IRAK2: variants seen among roughly 807,000 people sequenced by gnomAD.
IRAK2 encodes the protein interleukin 1 receptor associated kinase 2.
IRAK2 carries 57 observed loss-of-function variants against 72.0 expected under a neutral mutation model. The ratio of observed to expected loss-of-function variants is 0.79; its 90% CI spans 0.64 to 0.99. IRAK2 has a LOEUF of 0.99. IRAK2 is among the 50% of genes least tolerant of loss of function. IRAK2 has a pLI of 0.00. For synonymous variants in IRAK2, 293 were observed against 312.7 expected (o/e 0.94, Z 0.67); for missense variants, 790 against 794.4 (o/e 0.99, Z 0.07).
chr3:10,213,188 C>T lies in IRAK2; in HGVS notation c.529-19C>T, dbSNP rs768882033. 1.9e-6 allele frequency: 3 copies of T among 1,607,804 alleles called. No homozygotes were observed. The highest frequency in any genetic ancestry group is 2.6e-6 in the Non-Finnish European group (3 of 1,174,780). ...CGAGATTCCATAGTAATCTCCATCT[C>T]TTCTCTCTGGGTCTCCAGGACTTCA... On this transcript the variant is annotated intron_variant, in intron 4 of 12. Transcript: ENST00000256458.
rs549889932 is a variant in IRAK2, at chr3:10,240,291, T to C, written c.1765+1252T>C. 8.6e-5 allele frequency among the ~76,000 whole-genome samples: 13 copies of C among 151,296 alleles called. No individual in the cohort carries two copies. The South Asian group carries it at 2.7e-3, about 32-fold the overall frequency. On this transcript the variant is annotated intron_variant, in intron 12 of 12. Coordinates refer to ENST00000256458, the MANE Select transcript of IRAK2 (RefSeq NM_001570.4). Reference sequence around the variant, plus strand: ...CCAATATGGTGAAACCCCATCTCTCTACTAAAAATACAAAAATTAGCTGGG... The same window carrying C: ...CCAATATGGTGAAACCCCATCTCTCCACTAAAAATACAAAAATTAGCTGGG...
intron 9 of IRAK2, among the ~76,000 whole-genome samples, chr3:10,225,137 G>A (rs557394349): frequency 6.6e-6 from 1 of 151,930 alleles, no homozygotes; most frequent in South Asian, 2.1e-4. Flanking sequence ...TTAATCCTGG[G>A]TGGTTTAAAA....
In IRAK2 at chr3:10,242,175, A is replaced by G. The variant is rs201886476; in HGVS notation, c.1825A>G (p.Ile609Val). The G allele has an allele frequency of 2.5e-6, 4 of 1,613,908 alleles. No homozygotes were observed. The highest frequency in any genetic ancestry group is 8.5e-7 in the Non-Finnish European group (1 of 1,179,858). ...GGCCAAAAGGAAACTGATGGAGAAT[A>G]TTCTGCTCTACAAAGAGGAAAAAGT... ...NEAKRKLMEN[I>V]LLYKEEKVDS... Residue 609 changes from isoleucine (I) to valine (V), a missense_variant, in exon 13 of 13, where the codon ATT becomes GTT. Physicochemically the swap from Ile to Val is conservative, Grantham distance 29. Coordinates refer to ENST00000256458, the MANE Select transcript of IRAK2 (RefSeq NM_001570.4).
intron 2 of IRAK2, among the ~76,000 whole-genome samples, chr3:10,183,443 C>T (rs116108356): frequency 0.021 from 3,210 of 152,274 alleles, 50 homozygotes; most frequent in Middle Eastern, 0.037. Flanking sequence ...ATGGGCCGGG[C>T]GCAGTGGCTC....
intron 1 of IRAK2, among the ~76,000 whole-genome samples, chr3:10,165,720 T>A (rs1302699533): frequency 2.2e-5 from 2 of 91,580 alleles, no homozygotes; most frequent in African/African-American, 4.3e-5. Flanking sequence ...GGTCTTGAAC[T>A]ATTTTTTTTT....
chr3:10,165,309 G>T (rs900438676), intron 1 of IRAK2, among the ~76,000 whole-genome samples: 23 of 152,154 alleles, frequency 1.5e-4, no homozygotes, highest in Non-Finnish European at 3.1e-4. Context: ...GGGTACGGGG[G>T]CCCTCCTGTC....
At chr3:10,228,140 A>G (rs1019077021) in intron 10 of IRAK2, among the ~76,000 whole-genome samples, 5 of 152,108 alleles carry the variant, frequency 3.3e-5, no homozygotes, top group African/African-American at 1.2e-4. Context: ...GCAGAGTTTC[A>G]AATCTCATCC....
At chr3:10,175,909 A>AAAAAG (rs1696866699) in intron 1 of IRAK2, among the ~76,000 whole-genome samples, 1 of 149,864 alleles carries the variant, frequency 6.7e-6, no homozygotes, top group African/African-American at 2.5e-5. Context: ...AAAAAAAAAA[A>AAAAAG]AAAAGAAAAG....
chr3:10,176,078 T>G (rs868508508), intron 1 of IRAK2, among the ~76,000 whole-genome samples: 1,729 of 148,840 alleles, frequency 0.012, 25 homozygotes, highest in African/African-American at 0.041. Flanking sequence ...TTTTTTTTTT[T>G]TTTTTTTTTT....
chr3:10,227,814 G>A (rs113260081), intron 10 of IRAK2, among the ~76,000 whole-genome samples: 4 of 151,770 alleles, frequency 2.6e-5, no homozygotes, highest in African/African-American at 4.8e-5. Context: ...GACTACAGGC[G>A]CCCACCACCA....
intron 12 of IRAK2, among the ~76,000 whole-genome samples, chr3:10,239,905 C>T (rs11465936): frequency 0.034 from 5,097 of 150,716 alleles, 273 homozygotes; most frequent in African/African-American, 0.12. Context: ...CCAGCACTTC[C>T]AGAGGCTGGG....
Position 10,242,097 on chromosome 3 carries a change from G to T in IRAK2, c.1766-19G>T. The stretch of plus-strand genomic sequence containing the variant: ...ACTTTCATTCAAGTCGCTCTTGTTT[G>T]CTTTCTGTTGAACATCAGTTACAGA... On this transcript the variant is annotated intron_variant, in intron 12 of 12. Coordinates refer to ENST00000256458, the MANE Select transcript of IRAK2 (RefSeq NM_001570.4). 5.0e-6 allele frequency: 7 copies of T among 1,399,720 alleles called. No homozygotes were observed. Among genetic ancestry groups the T allele is most frequent in the South Asian group, 1.2e-5 (1 of 85,034 alleles). The allele number at this position is 1,399,720 out of a possible 1,614,324, so 86.7% of individuals were successfully genotyped here.
chr3:10,167,562 C>A (rs1575947732), intron 1 of IRAK2, among the ~76,000 whole-genome samples: 1 of 152,146 alleles, frequency 6.6e-6, no homozygotes, highest in East Asian at 1.9e-4. Flanking sequence ...CTACAGGTGC[C>A]TGCCACCATG....
chr3:10,238,000 A>AT (rs1452318603), intron 11 of IRAK2, among the ~76,000 whole-genome samples: 1 of 144,508 alleles, frequency 6.9e-6, no homozygotes, highest in Non-Finnish European at 1.5e-5. Flanking sequence ...CTTCCGTCTA[A>AT]TTTTCCTAAC....
chr3:10,204,850 G>A (rs1413160946), intron 3 of IRAK2, among the ~76,000 whole-genome samples: 2 of 152,058 alleles, frequency 1.3e-5, no homozygotes, highest in African/African-American at 4.8e-5. Context: ...GCTAAGTCCT[G>A]GCACTTGATC....
rs1681662 is a variant in IRAK2, at chr3:10,177,096, C to T, written c.95-742C>T. ...GATTACAGGTGTGAGCCACCATGCC[C>T]GGCCTACTTTGTTTATTTTTTGTAG... On this transcript the variant is annotated intron_variant, in intron 1 of 12. Coordinates refer to ENST00000256458, the MANE Select transcript of IRAK2 (RefSeq NM_001570.4). 4.6e-5 allele frequency among the ~76,000 whole-genome samples: 7 copies of T among 151,494 alleles called. 1 individual carries two copies. In the South Asian group the frequency reaches 6.3e-4, roughly 14 times the overall value.
At chr3:10,209,942 CAG>C (rs1459891668) in intron 4 of IRAK2, among the ~76,000 whole-genome samples, 1 of 152,134 alleles carries the variant, frequency 6.6e-6, no homozygotes, top group East Asian at 1.9e-4. Context: ...ATTTTTGAGA[CAG>C]AGTCTCGCTC....
At position 10,200,516 on chromosome 3, in the gene IRAK2, G is replaced by A; in HGVS notation, c.424+1G>A. 6.5e-7 allele frequency: 1 copy of A among 1,548,088 alleles called. No individual in the cohort carries two copies. Among genetic ancestry groups the A allele is most frequent in the South Asian group, 1.2e-5 (1 of 83,838 alleles). On this transcript the variant is annotated splice_donor_variant, in intron 3 of 12. Coordinates refer to ENST00000256458, the MANE Select transcript of IRAK2 (RefSeq NM_001570.4). LOFTEE classifies it high-confidence loss of function. ...AGGATGGCCACCTTTCCAGGCCCAGGTATTTTAAATTTAACTTTTTTACTT... is the reference window on the plus strand; with the variant it reads ...AGGATGGCCACCTTTCCAGGCCCAGATATTTTAAATTTAACTTTTTTACTT...
At chr3:10,171,072 G>T (rs188587013) in intron 1 of IRAK2, among the ~76,000 whole-genome samples, 1 of 152,340 alleles carries the variant, frequency 6.6e-6, no homozygotes, top group East Asian at 1.9e-4. Flanking sequence ...ACACTTGTTG[G>T]CAGATAATCT....
Sources: allele counts gnomAD v4.1 joint callset (sites outside exome capture counted in the v4.1 genomes callset), GRCh38; gene constraint gnomAD v4.1.1; transcripts MANE v1.5; gene names NCBI Gene and HGNC (gene_info 2026-07-23, HGNC 2026-07-21).